RYR2: variants seen among roughly 807,000 people sequenced by gnomAD.
RYR2 encodes ryanodine receptor 2, also known as cardiac muscle ryanodine receptor-calcium release channel.
A neutral mutation model predicts 601.1 loss-of-function variants in RYR2; 227 were observed. That is an observed-to-expected ratio of 0.38 (90% confidence interval 0.34 to 0.42). The LOEUF is 0.42. RYR2 is among the 10% of genes least tolerant of loss of function. The pLI is 1.00. For synonymous variants in RYR2, 2,223 were observed against 2,175.1 expected, an observed-to-expected ratio of 1.02 and a Z score of -0.61; for missense variants, 4,646 against 6,156.5, an observed-to-expected ratio of 0.75 and a Z score of 8.21.
In RYR2 at chr1:237,082,965, C is replaced by T. The variant is rs149250553; in HGVS notation, c.48+40396C>T. On this transcript the variant is annotated intron_variant, in intron 1 of 104. Transcript: ENST00000366574. ...TGGAAATTTTTAACAATTTCCCCGA[C>T]GATTTACTTTCTGTAAGCCCTTGCA... Among the ~76,000 whole-genome samples, 8 of 152,174 alleles carry T rather than the reference C, an allele frequency of 5.3e-5. No homozygotes were observed. The East Asian group carries it at 5.8e-4, about 11-fold the overall frequency.
At chr1:237,344,895 C>G (rs895717497) in intron 3 of RYR2, among the ~76,000 whole-genome samples, 23 of 152,104 alleles carry the variant, frequency 1.5e-4, no homozygotes, top group Non-Finnish European at 8.8e-5. Context: ...CAACCAACCT[C>G]TGCCTCCCGG....
intron 11 of RYR2, among the ~76,000 whole-genome samples, chr1:237,419,449 T>C (rs1705341199): frequency 6.6e-6 from 1 of 152,160 alleles, no homozygotes; most frequent in Non-Finnish European, 1.5e-5. Context: ...CTACTGTTGC[T>C]TATGTTTGTA....
At chr1:237,158,620 C>A (rs1675656596) in intron 1 of RYR2, among the ~76,000 whole-genome samples, 1 of 152,174 alleles carries the variant, frequency 6.6e-6, no homozygotes, top group Admixed American at 6.5e-5. Context: ...TCAGCTGTAG[C>A]ATTTTGAGAC....
intron 56 of RYR2, among the ~76,000 whole-genome samples, chr1:237,664,756 G>A (rs1684143071): frequency 6.6e-6 from 1 of 152,232 alleles, no homozygotes; most frequent in Non-Finnish European, 1.5e-5. Context: ...TGGTTGCCAT[G>A]GATTCTAGCT....
intron 1 of RYR2, among the ~76,000 whole-genome samples, chr1:237,155,056 G>A (rs906799552): frequency 6.6e-6 from 1 of 152,002 alleles, no homozygotes; most frequent in African/African-American, 2.4e-5. Flanking sequence ...GGCTTTCTTT[G>A]GTGACTGTTG....
At chr1:237,391,463 G>A (rs1424456581) in intron 10 of RYR2, among the ~76,000 whole-genome samples, 2 of 152,010 alleles carry the variant, frequency 1.3e-5, no homozygotes, top group East Asian at 1.9e-4. Context: ...TGTTGTTAAC[G>A]TTAAATAACT....
At chr1:237,472,907 A>C (rs1383156408) in intron 17 of RYR2, among the ~76,000 whole-genome samples, 1 of 152,158 alleles carries the variant, frequency 6.6e-6, no homozygotes, top group Non-Finnish European at 1.5e-5. Flanking sequence ...ACTTGTGATA[A>C]ATAGCAAATG....
intron 98 of RYR2, among the ~76,000 whole-genome samples, chr1:237,803,102 A>G (rs1660163249): frequency 6.6e-6 from 1 of 152,226 alleles, no homozygotes; most frequent in South Asian, 2.1e-4. Context: ...TTAGATAAGC[A>G]GAAAATAATA....
In RYR2 at chr1:237,103,981, C is replaced by A. The variant is rs373533099; in HGVS notation, c.48+61412C>A. ...TGGTTGTCTCTCTGTGGTCACCATGCCTTTATCAGTCTGTGTCATCCCGGG... is the reference window on the plus strand; with the variant it reads ...TGGTTGTCTCTCTGTGGTCACCATGACTTTATCAGTCTGTGTCATCCCGGG... On this transcript the variant is annotated intron_variant, in intron 1 of 104. Transcript: ENST00000366574. 8.5e-5 allele frequency among the ~76,000 whole-genome samples: 13 copies of A among 152,114 alleles called. No homozygotes were observed. In the East Asian group the frequency reaches 2.5e-3, roughly 29 times the overall value.
intron 24 of RYR2, among the ~76,000 whole-genome samples, chr1:237,513,212 T>C (rs1445245115): frequency 6.6e-6 from 1 of 152,194 alleles, no homozygotes; most frequent in East Asian, 1.9e-4. Context: ...AAGGAAGGAA[T>C]ATAATTTCGA....
chr1:237,114,849 C>A (rs11810113), intron 1 of RYR2, among the ~76,000 whole-genome samples: 1 of 152,070 alleles, frequency 6.6e-6, no homozygotes, highest in African/African-American at 2.4e-5. Flanking sequence ...TAGTATTGGC[C>A]TTGTAGGGTT....
chr1:237,082,557 A>ATATATATATATATATATATATATATAT (rs1558200785), intron 1 of RYR2, among the ~76,000 whole-genome samples: 1 of 110,012 alleles, frequency 9.1e-6, no homozygotes, highest in Non-Finnish European at 1.9e-5. Flanking sequence ...ATATATATAT[A>ATATATATATATATATATATATATATAT]AAATCGGATA....
intron 1 of RYR2, among the ~76,000 whole-genome samples, chr1:237,062,887 C>T (rs1003252470): frequency 1.3e-5 from 2 of 151,244 alleles, no homozygotes; most frequent in Non-Finnish European, 2.9e-5. Context: ...CAGCTGAATT[C>T]TGCCTTGTAT....
chr1:237,314,713 T>C (rs1380394181), intron 2 of RYR2, among the ~76,000 whole-genome samples: 3 of 152,226 alleles, frequency 2.0e-5, no homozygotes, highest in East Asian at 3.9e-4. Context: ...AAGTCCGTGA[T>C]ATATTATATT....
At chr1:237,572,535 C>T (rs936969164) in intron 29 of RYR2, among the ~76,000 whole-genome samples, 1 of 152,052 alleles carries the variant, frequency 6.6e-6, no homozygotes, top group Non-Finnish European at 1.5e-5. Flanking sequence ...TGGCTTTTGA[C>T]TTTGTATTTC....
At chr1:237,441,032 T>A (rs1019137380) in intron 12 of RYR2, among the ~76,000 whole-genome samples, 1 of 152,028 alleles carries the variant, frequency 6.6e-6, no homozygotes, top group Non-Finnish European at 1.5e-5. Flanking sequence ...CCAGGAAGTA[T>A]GTTTAGCTTA....
At position 237,122,511 on chromosome 1, in the gene RYR2, G is replaced by C. The variant is rs565430104; in HGVS notation, c.48+79942G>C. ...AGCCTGGCCAACATGGTGAAACCCC[G>C]TTTCTACTAAAAATAGAACAATCAG... On this transcript the variant is annotated intron_variant, in intron 1 of 104. Coordinates refer to ENST00000366574, the MANE Select transcript of RYR2 (RefSeq NM_001035.3). 1.6e-4 allele frequency among the ~76,000 whole-genome samples: 24 copies of C among 152,172 alleles called. No individual in the cohort carries two copies. The South Asian group carries it at 1.9e-3, about 12-fold the overall frequency.
At chr1:237,762,120 A>G (rs1693478268) in intron 84 of RYR2, among the ~76,000 whole-genome samples, 2 of 152,206 alleles carry the variant, frequency 1.3e-5, no homozygotes, top group South Asian at 2.1e-4. Flanking sequence ...ATTTGGATGT[A>G]CAAGTGCAGT....
intron 1 of RYR2, among the ~76,000 whole-genome samples, chr1:237,208,032 C>T (rs900066914): frequency 6.6e-6 from 1 of 152,190 alleles, no homozygotes; most frequent in African/African-American, 2.4e-5. Flanking sequence ...CCCACTGTAC[C>T]TCCCAGGATG....
Sources: gnomAD v4.1 joint callset for allele counts (sites outside exome capture counted in the v4.1 genomes callset) on GRCh38, gnomAD v4.1.1 for gene constraint, MANE v1.5 for transcripts, NCBI Gene and HGNC (gene_info 2026-07-23, HGNC 2026-07-21) for gene names.